The following ADAMTS10 variants were observed in gnomAD, a reference collection of about 807,000 sequenced individuals.
ADAMTS10 encodes the protein A disintegrin and metalloproteinase with thrombospondin motifs 10.
ADAMTS10 carries 48 observed loss-of-function variants against 135.9 expected under a neutral mutation model. The observed-to-expected ratio is 0.35, with a 90% CI of 0.28 to 0.45. ADAMTS10 has a LOEUF of 0.45. Ranked by LOEUF, ADAMTS10 falls within the 20% of genes least tolerant of loss-of-function variation. The pLI is 1.00. For missense variants in ADAMTS10, 1,131 were observed against 1,565.2 expected (o/e 0.72, Z 4.68); for synonymous variants, 621 against 647.5 (o/e 0.96, Z 0.62).
Position 8,605,816 on chromosome 19 carries a change from G to C in ADAMTS10, c.-99-7C>G, listed in dbSNP as rs907764817. ...TCGCAGCATCACCGGGCTCCTGGGA[G>C]GGGGGAGCCAGGTAAGGGGGCGCCT... On this transcript the variant is annotated splice_region_variant and splice_polypyrimidine_tract_variant and intron_variant, in intron 2 of 25. Transcript: ENST00000597188. The surrounding 1 kb of genome is among the most constrained non-coding windows in gnomAD (Gnocchi z 7.7). 1.3e-6 allele frequency: 2 copies of C among 1,510,620 alleles called. No individual in the cohort carries two copies. The highest frequency in any genetic ancestry group is 1.4e-5 in the African/African-American group (1 of 72,276). 93.6% of individuals were successfully genotyped at this position (1,510,620 alleles called of 1,614,324 possible).
chr19:8,586,609 C>G lies in ADAMTS10; in HGVS notation c.2352G>C (p.Gln784His). 1 of 1,614,058 alleles carries G rather than the reference C, an allele frequency of 6.2e-7. No homozygotes were observed. Among genetic ancestry groups the G allele is most frequent in the Non-Finnish European group, 8.5e-7 (1 of 1,180,016 alleles). ...GTCCCAGGGCTTCGAGGCTCTGGAC[C>G]TGGTCTGGCCCCTGTCGCAGTTGAA... The part of the protein sequence containing the change: ...TTFQLRQGPD[Q>H]VQSLEALGPI... Residue 784 changes from glutamine (Q) to histidine (H), a missense_variant, in exon 20 of 26, where the codon CAG (glutamine) becomes CAC (histidine). Physicochemically the swap from Gln to His is conservative, Grantham distance 24. Coordinates refer to ENST00000597188, the MANE Select transcript of ADAMTS10 (RefSeq NM_030957.4).
At position 8,605,189 on chromosome 19, in the gene ADAMTS10, G is replaced by A. The variant is rs1555742285; in HGVS notation, c.258C>T (p.His86=). ...LFYKVASPST[H]FLLNLTRSSR... Reference sequence around the variant, plus strand: ...AGCTGCGGGTCAGGTTCAGCAGGAAGTGGGTGCTGGGCGAGGCCACTTTGT... The same window carrying A: ...AGCTGCGGGTCAGGTTCAGCAGGAAATGGGTGCTGGGCGAGGCCACTTTGT... Residue 86 remains histidine, a synonymous_variant, in exon 4 of 26, where the codon CAC becomes CAT. Transcript: ENST00000597188. This position sits in a 1 kb window ranked among gnomAD's most constrained non-coding sequence, Gnocchi z 7.7. 5 of 1,614,086 alleles carry A rather than the reference G, an allele frequency of 3.1e-6. No homozygotes were observed. The Admixed American group carries it at 8.3e-5, about 27-fold the overall frequency.
intron 6 of ADAMTS10, among the ~76,000 whole-genome samples, chr19:8,600,655 C>CG (rs1568404399): frequency 2.0e-5 from 3 of 151,938 alleles, no homozygotes; most frequent in Non-Finnish European, 4.4e-5. Context: ...CCCGCCACCA[C>CG]ACTCGGCTAA....
At position 8,586,412 on chromosome 19, in the gene ADAMTS10, C is replaced by T. The variant is rs782081097; in HGVS notation, c.2462G>A (p.Arg821His). The T allele has an allele frequency of 1.2e-5, 20 of 1,613,812 alleles. No homozygotes were observed. Among genetic ancestry groups the T allele is most frequent in the Admixed American group, 3.3e-5 (2 of 59,992 alleles). The stretch of plus-strand genomic sequence containing the variant: ...CCAGGAGTAGGGGGGCAGCGAGTCA[C>T]GGGCGATGGGGGCATTGAAGCGGTA... ...LRYRFNAPIA[R>H]DSLPPYSWHY... The change falls in exon 21 of 26, where the codon CGT becomes CAT. Residue 821 changes from arginine (R) to histidine (H), a missense_variant. Physicochemically the swap from Arg to His is conservative, Grantham distance 29. This residue lies in a region of ADAMTS10 where 745 missense variants were observed against 1,056.3 expected (regional missense o/e 0.71). Transcript: ENST00000597188.
chr19:8,585,067 A>AGGGGG lies in ADAMTS10; in HGVS notation c.3043-14_3043-13insCCCCC. 6.6e-7 allele frequency: 1 copy of AGGGGG among 1,514,756 alleles called. No individual in the cohort carries two copies. The highest frequency in any genetic ancestry group is 8.8e-7 in the Non-Finnish European group (1 of 1,134,128). 93.8% of individuals were successfully genotyped at this position (1,514,756 alleles called of 1,614,324 possible). A position where few individuals can be genotyped will look rare whatever the true frequency, so the allele number is the denominator to read the frequency against. ...ACTGTGCAGAGCACTGCGAGGGGGC[A>AGGGGG]CCACTCAGTTGCTGCCCCGCAGCCC... On this transcript the variant is annotated splice_polypyrimidine_tract_variant and intron_variant, in intron 24 of 25. Transcript: ENST00000597188.
chr19:8,584,275 GGACATT>G (rs1308148044), intron 25 of ADAMTS10, among the ~76,000 whole-genome samples: 1 of 152,008 alleles, frequency 6.6e-6, no homozygotes, highest in Non-Finnish European at 1.5e-5. Context: ...GACCCCCAGG[GGACATT>G]GGGCAATGTC....
chr19:8,580,763 A>G lies in ADAMTS10; in HGVS notation c.*130T>C. On this transcript the variant is annotated 3_prime_UTR_variant, in exon 26 of 26. Coordinates refer to ENST00000597188, the MANE Select transcript of ADAMTS10 (RefSeq NM_030957.4). The stretch of plus-strand genomic sequence containing the variant: ...AGCCAGGGCCCTGCAGGGGTTCCCA[A>G]TAAATAACTTCCGGCTCCGTCTCAC... 1 of 726,968 alleles carries G rather than the reference A, an allele frequency of 1.4e-6. No individual in the cohort carries two copies. The highest frequency in any genetic ancestry group is 2.3e-5 in the Admixed American group (1 of 42,648). The allele number at this position is 726,968 out of a possible 1,614,324, so 45.0% of individuals were successfully genotyped here. A position where few individuals can be genotyped will look rare whatever the true frequency, so the allele number is the denominator to read the frequency against.
intron 6 of ADAMTS10, 76 bp downstream of exon 6, chr19:8,600,852 G>A (rs2042662170): frequency 5.1e-6 from 8 of 1,555,564 alleles, no homozygotes; most frequent in Non-Finnish European, 8.8e-7. Flanking sequence ...TGGGATGGTA[G>A]CCACCCCCTT....
chr19:8,602,526 G>C (rs1261799347), intron 5 of ADAMTS10, among the ~76,000 whole-genome samples: 1 of 152,112 alleles, frequency 6.6e-6, no homozygotes, highest in East Asian at 1.9e-4. Flanking sequence ...TCGCCATGTT[G>C]GCCAGGCTGA....
intron 2 of ADAMTS10, among the ~76,000 whole-genome samples, chr19:8,607,422 G>T (rs1472551619): frequency 2.0e-5 from 3 of 152,074 alleles, no homozygotes; most frequent in Admixed American, 2.0e-4. Context: ...CCGCCCCGCA[G>T]GTCTCAGTCT....
At chr19:8,595,063 G>C (rs2042586042) in intron 12 of ADAMTS10, among the ~76,000 whole-genome samples, 1 of 152,162 alleles carries the variant, frequency 6.6e-6, no homozygotes, top group South Asian at 2.1e-4. Flanking sequence ...AACTGGGGCT[G>C]AACCTGGGCC....
chr19:8,585,172 C>T lies in ADAMTS10; in HGVS notation c.3002G>A (p.Arg1001His), dbSNP rs2042408557. ...PPATMRCNLR[R>H]CPPARWVAGE... ...AGCCACCCAGCGGGCCGGGGGGCAG[C>T]GGCGCAAGTTGCAGCGCATGGTGGC... Residue 1001 changes from arginine to histidine, a missense_variant, in exon 24 of 26, where the codon CGC becomes CAC. This residue lies in a region of ADAMTS10 where 745 missense variants were observed against 1,056.3 expected (regional missense o/e 0.71). Transcript: ENST00000597188. 6.4e-6 allele frequency: 9 copies of T among 1,410,328 alleles called. No homozygotes were observed. Among genetic ancestry groups the T allele is most frequent in the South Asian group, 1.5e-5 (1 of 65,314 alleles). The allele number at this position is 1,410,328 out of a possible 1,614,324, so 87.4% of individuals were successfully genotyped here.
In ADAMTS10 at chr19:8,586,325, C is replaced by G. The variant is rs782804635; in HGVS notation, c.2530+19G>C. On this transcript the variant is annotated intron_variant, in intron 21 of 25. Transcript: ENST00000597188. ...CCTCAGCCCAGGTATCTTGTGCCTT[C>G]CCCCACCCCCGGCCTCACCGCCTGC... 13 of 1,613,376 alleles carry G rather than the reference C, an allele frequency of 8.1e-6. No homozygotes were observed. The highest frequency in any genetic ancestry group is 1.1e-5 in the Non-Finnish European group (13 of 1,179,856).
rs141673640 is a variant in ADAMTS10, at chr19:8,586,673, G to C, written c.2288C>G (p.Thr763Ser). The change falls in exon 20 of 26, where the codon ACC (threonine) becomes AGC (serine). Residue 763 changes from threonine (T) to serine (S), a missense_variant. Coordinates refer to ENST00000597188, the MANE Select transcript of ADAMTS10 (RefSeq NM_030957.4). ...ESLLLEGLPG[T>S]PQPHRLPLAG... Reference sequence around the variant, plus strand: ...TAGAGGCAGACGGTGGGGCTGGGGGGTCCCAGGCAGCCCCTCCAGCAGCAG... The same window carrying C: ...TAGAGGCAGACGGTGGGGCTGGGGGCTCCCAGGCAGCCCCTCCAGCAGCAG... The C allele has an allele frequency of 3.2e-4, 514 of 1,613,202 alleles. No homozygotes were observed. Among genetic ancestry groups the C allele is most frequent in the Non-Finnish European group, 4.1e-4 (483 of 1,179,316 alleles).
intron 6 of ADAMTS10, 138 bp downstream of exon 6, chr19:8,600,790 G>A (rs543731041): frequency 4.8e-5 from 52 of 1,085,202 alleles, no homozygotes; most frequent in South Asian, 1.5e-4. Context: ...GAGCCACCGC[G>A]CCCGGCCTGC....
At chr19:8,604,216 A>G (rs993530770) in intron 4 of ADAMTS10, among the ~76,000 whole-genome samples, 3 of 150,476 alleles carry the variant, frequency 2.0e-5, no homozygotes, top group Non-Finnish European at 4.4e-5. Context: ...ATGTTTGGCT[A>G]ATTTTTAAAA....
intron 2 of ADAMTS10, among the ~76,000 whole-genome samples, chr19:8,606,310 ACCT>A (rs1235951045): frequency 6.6e-6 from 1 of 151,776 alleles, no homozygotes; most frequent in Non-Finnish European, 1.5e-5. Context: ...GGATCCTTTC[ACCT>A]CAGCCTCCCA....
rs1254438685 is a variant in ADAMTS10, at chr19:8,591,999, G to A, written c.1692C>T (p.Gly564=). ...GACGGCTAGAAGAGGACACGCCGCC[G>A]CCACAGGTCCGGCTGCAGTCGCCCC... The part of the protein sequence containing the change: ...TPWGDCSRTC[G]GGVSSSSRHC... Residue 564 remains glycine (G), a synonymous_variant, in exon 14 of 26, where the codon GGC becomes GGT. Transcript: ENST00000597188. The A allele has an allele frequency of 8.1e-6, 13 of 1,613,598 alleles. No homozygotes were observed. Among genetic ancestry groups the A allele is most frequent in the Non-Finnish European group, 1.1e-5 (13 of 1,179,800 alleles).
chr19:8,586,982 GCTAA>G lies in ADAMTS10; in HGVS notation c.2159-90_2159-87del, dbSNP rs2042441864. 2.3e-5 allele frequency: 32 copies of G among 1,383,778 alleles called. No individual in the cohort carries two copies. The South Asian group carries it at 3.2e-4, about 14-fold the overall frequency. 85.7% of individuals were successfully genotyped at this position (1,383,778 alleles called of 1,614,324 possible). A position where few individuals can be genotyped will look rare whatever the true frequency, so the allele number is the denominator to read the frequency against. On this transcript the variant is annotated intron_variant, in intron 18 of 25. Transcript: ENST00000597188. The stretch of plus-strand genomic sequence containing the variant: ...CTGTCCCCGGCCCATGAGGATAACA[GCTAA>G]CTATTACTGCGCTAAACACACATCT...
Sources: allele counts gnomAD v4.1 joint callset (sites outside exome capture counted in the v4.1 genomes callset), GRCh38; gene constraint gnomAD v4.1.1; regional missense constraint gnomAD v4.1.1; non-coding constraint Gnocchi (gnomAD v3.1); transcripts MANE v1.5; gene names NCBI Gene and HGNC (gene_info 2026-07-23, HGNC 2026-07-21).